Variants in CTNNA3 observed in about 807,000 individuals in gnomAD.
The protein encoded by CTNNA3 is catenin alpha 3.
A neutral mutation model predicts 95.7 loss-of-function variants in CTNNA3; 76 were observed. The ratio of observed to expected loss-of-function variants is 0.79; its 90% CI spans 0.66 to 0.96. The LOEUF (loss-of-function observed/expected upper bound fraction) is 0.96, where lower values mean the gene tolerates loss of function less well. Among genes scored for constraint, CTNNA3 ranks in the 40% least tolerant of loss-of-function variants. CTNNA3 has a pLI of 0.00. For missense variants in CTNNA3, 1,191 were observed against 1,089.8 expected (o/e 1.09, Z -1.31); for synonymous variants, 431 against 374.4 (o/e 1.15, Z -1.74).
chr10:67,302,748 T>C (rs911795441), intron 5 of CTNNA3, among the ~76,000 whole-genome samples: 3 of 152,174 alleles, frequency 2.0e-5, no homozygotes, highest in Admixed American at 6.5e-5. Context: ...TTTGAATACA[T>C]GACAAAACTA....
intron 7 of CTNNA3, among the ~76,000 whole-genome samples, chr10:67,158,623 C>T (rs1009107823): frequency 6.6e-6 from 1 of 152,042 alleles, no homozygotes; most frequent in South Asian, 2.1e-4. Context: ...AAGTGTAGCA[C>T]GAATTGGACC....
chr10:66,916,132 A>G (rs1432681615), intron 7 of CTNNA3, among the ~76,000 whole-genome samples: 1 of 152,214 alleles, frequency 6.6e-6, no homozygotes, highest in Non-Finnish European at 1.5e-5. Flanking sequence ...GTAGAGAGAG[A>G]AAGAAAATAG....
At chr10:67,256,403 G>A (rs1455146180) in intron 5 of CTNNA3, among the ~76,000 whole-genome samples, 2 of 152,202 alleles carry the variant, frequency 1.3e-5, no homozygotes, top group African/African-American at 2.4e-5. Context: ...CTGTCTTGAT[G>A]TCCAAAAATA....
At chr10:67,439,527 G>A (rs556973516) in intron 5 of CTNNA3, among the ~76,000 whole-genome samples, 8 of 152,100 alleles carry the variant, frequency 5.3e-5, no homozygotes, top group Non-Finnish European at 7.4e-5. Context: ...ACTCACTATC[G>A]TGACAACAGC....
intron 7 of CTNNA3, among the ~76,000 whole-genome samples, chr10:66,809,993 C>T (rs576083696): frequency 1.3e-4 from 20 of 151,872 alleles, no homozygotes; most frequent in Non-Finnish European, 2.4e-4. Flanking sequence ...TTAGTAGAGA[C>T]GGGGTTTCAC....
chr10:66,556,351 C>T (rs183779373), intron 10 of CTNNA3, among the ~76,000 whole-genome samples: 6 of 152,132 alleles, frequency 3.9e-5, no homozygotes, highest in Admixed American at 2.6e-4. Context: ...ATCCGGTAAT[C>T]CCTCTTTTGG....
At chr10:66,280,653 C>T (rs1214432947) in intron 12 of CTNNA3, 32 bp from the exon 13 acceptor site, 1 of 1,553,274 alleles carries the variant, frequency 6.4e-7, no homozygotes, top group Non-Finnish European at 8.7e-7. Flanking sequence ...AGAAGATTGT[C>T]CTCTTTGTAT....
At chr10:66,930,755 T>C (rs544113481) in intron 7 of CTNNA3, among the ~76,000 whole-genome samples, 1 of 152,270 alleles carries the variant, frequency 6.6e-6, no homozygotes, top group East Asian at 1.9e-4. Flanking sequence ...GAATCACCAA[T>C]ATTTTGAAAG....
chr10:66,656,282 A>G (rs1354743967), intron 9 of CTNNA3, among the ~76,000 whole-genome samples: 2 of 152,290 alleles, frequency 1.3e-5, no homozygotes, highest in South Asian at 2.1e-4. Flanking sequence ...GCAAATAACG[A>G]TTGCTTCAAT....
At chr10:67,730,518 C>A (rs1841268466) in intron 1 of CTNNA3, among the ~76,000 whole-genome samples, 1 of 151,970 alleles carries the variant, frequency 6.6e-6, no homozygotes, top group African/African-American at 2.4e-5. Context: ...AGAAAGTAAA[C>A]CATGAAAGAG....
chr10:67,127,876 G>GTT, intron 7 of CTNNA3, among the ~76,000 whole-genome samples: 1 of 124,948 alleles, frequency 8.0e-6, no homozygotes, highest in Admixed American at 8.1e-5. Flanking sequence ...CTGTGTGTGT[G>GTT]TCTGTGTGTG....
At chr10:66,113,358 C>T (rs750546632) in intron 13 of CTNNA3, among the ~76,000 whole-genome samples, 16 of 152,060 alleles carry the variant, frequency 1.1e-4, no homozygotes, top group South Asian at 2.1e-4. Flanking sequence ...TTAAGCTCTA[C>T]GAATAAGCAC....
chr10:67,681,739 TTTG>T (rs1457281104), intron 1 of CTNNA3, among the ~76,000 whole-genome samples: 1 of 152,130 alleles, frequency 6.6e-6, no homozygotes, highest in East Asian at 1.9e-4. Context: ...ACAAAAATAT[TTTG>T]TTTTCTATAT....
chr10:66,221,352 A>C (rs146711442), intron 13 of CTNNA3, among the ~76,000 whole-genome samples: 5 of 152,330 alleles, frequency 3.3e-5, no homozygotes, highest in Non-Finnish European at 7.3e-5. Context: ...TATCATAAAC[A>C]AGCATTCTGA....
intron 7 of CTNNA3, among the ~76,000 whole-genome samples, chr10:66,978,399 C>T (rs1030615645): frequency 2.0e-5 from 3 of 150,798 alleles, no homozygotes; most frequent in South Asian, 2.1e-4. Context: ...TGGTGGTGGG[C>T]GCCTGTAATC....
chr10:67,447,434 A>C (rs113855628), intron 5 of CTNNA3, among the ~76,000 whole-genome samples: 1 of 152,202 alleles, frequency 6.6e-6, no homozygotes, highest in African/African-American at 2.4e-5. Context: ...TGTGAAGAGC[A>C]TATCTGGGTT....
chr10:67,541,047 T>C (rs575781861), intron 3 of CTNNA3, among the ~76,000 whole-genome samples: 20 of 152,104 alleles, frequency 1.3e-4, no homozygotes, highest in African/African-American at 3.8e-4. Flanking sequence ...TAACTTATTT[T>C]ACCAGGCCCC....
At chr10:66,104,269 G>A (rs1348853966) in intron 13 of CTNNA3, among the ~76,000 whole-genome samples, 1 of 151,988 alleles carries the variant, frequency 6.6e-6, no homozygotes, top group East Asian at 1.9e-4. Context: ...TACTTTATCT[G>A]CCATAATGAT....
chr10:65,928,163 T>G (rs531807884), intron 17 of CTNNA3, among the ~76,000 whole-genome samples: 29 of 152,334 alleles, frequency 1.9e-4, no homozygotes, highest in African/African-American at 6.7e-4. Context: ...ATGCTTACTT[T>G]GTATTAATTT....
Sources: allele counts gnomAD v4.1 joint callset (sites outside exome capture counted in the v4.1 genomes callset), GRCh38; gene constraint gnomAD v4.1.1; transcripts MANE v1.5; gene names NCBI Gene and HGNC (gene_info 2026-07-23, HGNC 2026-07-21).